Variants in SRD5A2 observed in about 807,000 individuals in gnomAD.
SRD5A2 encodes the protein steroid 5 alpha-reductase 2.
In SRD5A2, 30 loss-of-function variants were observed where a neutral mutation model predicts 27.4. The ratio of observed to expected loss-of-function variants is 1.10; its 90% confidence interval spans 0.82 to 1.49. The LOEUF (loss-of-function observed/expected upper bound fraction) is 1.49, where lower values mean the gene tolerates loss of function less well. Among genes scored for constraint, SRD5A2 ranks in the 40% most tolerant of loss-of-function variants. The probability of loss-of-function intolerance (pLI) is 0.00; values close to 1 mark genes in which losing one functional copy is unlikely to be tolerated. For missense variants in SRD5A2, 348 were observed against 323.4 expected (o/e 1.08, Z -0.58); for synonymous variants, 141 against 133.6 (o/e 1.06, Z -0.38).
At chr2:31,566,205 C>T (rs994666005) in intron 1 of SRD5A2, among the ~76,000 whole-genome samples, 1 of 151,884 alleles carries the variant, frequency 6.6e-6, no homozygotes, top group Non-Finnish European at 1.5e-5. Flanking sequence ...TGCCACAAAA[C>T]AATATGTAGG....
the SRD5A2 span, among the ~76,000 whole-genome samples, chr2:31,654,920 C>T: frequency 6.6e-6 from 1 of 152,106 alleles, no homozygotes; most frequent in African/African-American, 2.4e-5. Context: ...GAAGTTTTCC[C>T]AGTATTATAT....
At chr2:31,636,658 T>G in the SRD5A2 span, among the ~76,000 whole-genome samples, 1 of 152,106 alleles carries the variant, frequency 6.6e-6, no homozygotes, top group East Asian at 1.9e-4. Flanking sequence ...CCTCTACCCA[T>G]GTTGATGAGG....
the SRD5A2 span, among the ~76,000 whole-genome samples, chr2:31,593,424 A>G: frequency 2.0e-5 from 3 of 152,166 alleles, no homozygotes; most frequent in Non-Finnish European, 4.4e-5. Context: ...GACTCAAACA[A>G]GTGGAAAAAA....
At chr2:31,636,679 T>C in the SRD5A2 span, among the ~76,000 whole-genome samples, 272 of 152,224 alleles carry the variant, frequency 1.8e-3, 3 homozygotes, top group African/African-American at 6.3e-3. Context: ...GTTTTTATCA[T>C]AAAGGGGTGC....
chr2:31,644,326 T>A, the SRD5A2 span, among the ~76,000 whole-genome samples: 3 of 152,026 alleles, frequency 2.0e-5, no homozygotes, highest in Non-Finnish European at 2.9e-5. Context: ...GACCAAAAAA[T>A]GCGATGCACG....
At chr2:31,527,657 A>T (rs1665811945) in intron 4 of SRD5A2, 1 of 152,186 alleles carries the variant, frequency 6.6e-6, no homozygotes, top group Non-Finnish European at 1.5e-5. Flanking sequence ...CTCTTCTCCC[A>T]TTCCCGCTCT....
the SRD5A2 span, among the ~76,000 whole-genome samples, chr2:31,613,632 A>C: frequency 6.6e-6 from 1 of 152,214 alleles, no homozygotes; most frequent in Non-Finnish European, 1.5e-5. Context: ...TAAAAATGGA[A>C]TATTCATATG....
At chr2:31,609,973 A>C in the SRD5A2 span, among the ~76,000 whole-genome samples, 1 of 152,162 alleles carries the variant, frequency 6.6e-6, no homozygotes, top group African/African-American at 2.4e-5. Context: ...TGAATCAGGA[A>C]GAAATAGAAA....
chr2:31,583,652 C>CAAAAAAAAAAAAAGAAAAAAAAAAAAA (rs1352139998), upstream of SRD5A2, among the ~76,000 whole-genome samples: 1 of 20,922 alleles, frequency 4.8e-5, no homozygotes, highest in African/African-American at 1.3e-4. Context: ...AAAAAAAAAC[C>CAAAAAAAAAAAAAGAAAAAAAAAAAAA]AAAAAAAAAG....
At chr2:31,551,161 G>A (rs1196960522) in intron 1 of SRD5A2, among the ~76,000 whole-genome samples, 1 of 151,866 alleles carries the variant, frequency 6.6e-6, no homozygotes, top group Non-Finnish European at 1.5e-5. Flanking sequence ...ATGTACAAGG[G>A]TTCTATAGTG....
intron 1 of SRD5A2, among the ~76,000 whole-genome samples, chr2:31,556,961 T>C (rs1241323003): frequency 6.6e-6 from 1 of 152,216 alleles, no homozygotes; most frequent in African/African-American, 2.4e-5. Flanking sequence ...TCATTTAATC[T>C]TTATAACAAC....
At chr2:31,555,636 C>G (rs1369963513) in intron 1 of SRD5A2, among the ~76,000 whole-genome samples, 1 of 152,134 alleles carries the variant, frequency 6.6e-6, no homozygotes, top group East Asian at 1.9e-4. Flanking sequence ...TCTTTGGAAC[C>G]ACTGCATTGA....
rs1393996639 is a variant in SRD5A2, at chr2:31,523,395, A to G, written c.*2801T>C. ...TGGCAGCCCTAAAGGCTGTGCCTTA[A>G]GCAGAAGAAGCATACATCTGACCCT... On this transcript the variant is annotated 3_prime_UTR_variant, in exon 5 of 5. Coordinates refer to ENST00000622030, the MANE Select transcript of SRD5A2 (RefSeq NM_000348.4). The G allele has an allele frequency of 3.3e-5, 7 of 214,694 alleles. No individual in the cohort carries two copies. In the East Asian group the frequency reaches 4.8e-4, roughly 15 times the overall value. The allele number at this position is 214,694 out of a possible 1,614,324, so 13.3% of individuals were successfully genotyped here. A position where few individuals can be genotyped will look rare whatever the true frequency, so the allele number is the denominator to read the frequency against.
At chr2:31,539,294 C>A (rs948563899) in intron 1 of SRD5A2, among the ~76,000 whole-genome samples, 2 of 152,148 alleles carry the variant, frequency 1.3e-5, no homozygotes, top group African/African-American at 4.8e-5. Context: ...TAAAATGGAA[C>A]CATCACAGAT....
chr2:31,575,410 G>C (rs1666936965), intron 1 of SRD5A2, among the ~76,000 whole-genome samples: 1 of 152,208 alleles, frequency 6.6e-6, no homozygotes, highest in Non-Finnish European at 1.5e-5. Flanking sequence ...CCTTAGAACA[G>C]ATAATTATGA....
At chr2:31,594,666 CA>C in the SRD5A2 span, among the ~76,000 whole-genome samples, 1 of 151,854 alleles carries the variant, frequency 6.6e-6, no homozygotes, top group East Asian at 1.9e-4. Context: ...AGAAAGTCAA[CA>C]AAAAAACAGT....
chr2:31,636,054 A>C, the SRD5A2 span, among the ~76,000 whole-genome samples: 1 of 152,018 alleles, frequency 6.6e-6, no homozygotes, highest in East Asian at 1.9e-4. Context: ...TATAAATTTT[A>C]GGATTTTTTT....
At chr2:31,529,182 A>G in intron 4 of SRD5A2, 125 bp downstream of exon 4, 2 of 1,336,338 alleles carry the variant, frequency 1.5e-6, no homozygotes, top group Non-Finnish European at 2.0e-6. Flanking sequence ...AACCCAGATT[A>G]TAGTATCAAC....
intron 1 of SRD5A2, among the ~76,000 whole-genome samples, chr2:31,553,923 G>A (rs1274933072): frequency 6.6e-6 from 1 of 152,118 alleles, no homozygotes; most frequent in Non-Finnish European, 1.5e-5. Flanking sequence ...AAAGGGTTTG[G>A]ACAAAGGAGT....
Sources: allele counts gnomAD v4.1 joint callset (sites outside exome capture counted in the v4.1 genomes callset), GRCh38; gene constraint gnomAD v4.1.1; transcripts MANE v1.5; gene names NCBI Gene and HGNC (gene_info 2026-07-23, HGNC 2026-07-21).